SMAP1: variants seen among roughly 807,000 people sequenced by gnomAD.
SMAP1 encodes small ArfGAP 1, also known as stromal membrane-associated protein 1.
A neutral mutation model predicts 58.5 loss-of-function variants in SMAP1; 24 were observed. The observed-to-expected ratio is 0.41, with a 90% CI of 0.30 to 0.58. The LOEUF (loss-of-function observed/expected upper bound fraction) is 0.58, where lower values mean the gene tolerates loss of function less well. Ranked by LOEUF, SMAP1 falls within the 20% of genes least tolerant of loss-of-function variation. The probability of loss-of-function intolerance (pLI) is 0.29; values close to 1 mark genes in which losing one functional copy is unlikely to be tolerated. For missense variants in SMAP1, 563 were observed against 566.3 expected, an observed-to-expected ratio of 0.99 and a Z score of 0.06; for synonymous variants, 216 against 196.6, an observed-to-expected ratio of 1.10 and a Z score of -0.82.
intron 1 of SMAP1, among the ~76,000 whole-genome samples, chr6:70,688,443 C>G (rs892960585): frequency 3.3e-5 from 5 of 152,084 alleles, no homozygotes; most frequent in African/African-American, 1.2e-4. Context: ...TTTAGTTGGT[C>G]CTTTGCCAGC....
intron 3 of SMAP1, among the ~76,000 whole-genome samples, chr6:70,761,095 A>T (rs1384994485): frequency 1.3e-5 from 2 of 151,970 alleles, no homozygotes; most frequent in Non-Finnish European, 2.9e-5. Context: ...CTTCTTTGGG[A>T]GTAGATATTA....
chr6:70,841,662 C>T (rs1230581992), intron 7 of SMAP1, among the ~76,000 whole-genome samples: 1 of 152,002 alleles, frequency 6.6e-6, no homozygotes, highest in Non-Finnish European at 1.5e-5. Flanking sequence ...TCAGTTTTTT[C>T]TTAATTGAAA....
At chr6:70,769,005 T>G (rs201191918) in intron 3 of SMAP1, among the ~76,000 whole-genome samples, 1 of 152,172 alleles carries the variant, frequency 6.6e-6, no homozygotes, top group Admixed American at 6.5e-5. Flanking sequence ...CATTTCGTTA[T>G]GTACCCAGTA....
In SMAP1 at chr6:70,861,547, G is replaced by A; in HGVS notation, c.*1213G>A. ...CAGATGTCCATCAGATGACAAGAAA[G>A]GCTGCTGTACTGAAGTAAAACAAAC... On this transcript the variant is annotated 3_prime_UTR_variant, in exon 11 of 11. Coordinates refer to ENST00000370455, the MANE Select transcript of SMAP1 (RefSeq NM_001044305.3). 2.3e-6 allele frequency: 2 copies of A among 854,602 alleles called. No individual in the cohort carries two copies. Among genetic ancestry groups the A allele is most frequent in the South Asian group, 3.5e-5 (2 of 57,952 alleles). The allele number at this position is 854,602 out of a possible 1,614,324, so 52.9% of individuals were successfully genotyped here.
intron 6 of SMAP1, among the ~76,000 whole-genome samples, chr6:70,825,030 T>C (rs528115655): frequency 1.1e-4 from 17 of 152,334 alleles, no homozygotes; most frequent in Non-Finnish European, 1.8e-4. Context: ...AATATACTTA[T>C]CTTGTATTCA....
intron 1 of SMAP1, among the ~76,000 whole-genome samples, chr6:70,680,144 A>G (rs1444887318): frequency 6.9e-6 from 1 of 145,564 alleles, no homozygotes; most frequent in Admixed American, 7.0e-5. Flanking sequence ...AACAGAATGT[A>G]TAATACCTTG....
In SMAP1 at chr6:70,799,510, T is replaced by G. The variant is rs570180075; in HGVS notation, c.576+773T>G. ...GTGGCTTGGCTTTGAATGCATTTCA[T>G]CATAAGAGTATGGAATCATACTAAG... On this transcript the variant is annotated intron_variant, in intron 6 of 10. Transcript: ENST00000370455. Among the ~76,000 whole-genome samples the G allele has an allele frequency of 2.0e-5, 3 of 152,288 alleles. No individual in the cohort carries two copies. The South Asian group carries it at 6.2e-4, about 32-fold the overall frequency.
chr6:70,763,608 G>A (rs1482793518), intron 3 of SMAP1, among the ~76,000 whole-genome samples: 2 of 152,118 alleles, frequency 1.3e-5, no homozygotes, highest in Non-Finnish European at 2.9e-5. Flanking sequence ...AGAAAAATAG[G>A]CTGAAAGCTA....
chr6:70,787,158 T>C (rs971294182), intron 4 of SMAP1, among the ~76,000 whole-genome samples: 2 of 152,146 alleles, frequency 1.3e-5, no homozygotes, highest in Non-Finnish European at 2.9e-5. Flanking sequence ...TATCTACAAC[T>C]ATCTGATCTT....
intron 4 of SMAP1, among the ~76,000 whole-genome samples, 189 bp downstream of exon 4, chr6:70,773,614 A>G (rs893748657): frequency 2.0e-5 from 3 of 152,216 alleles, no homozygotes; most frequent in African/African-American, 7.2e-5. Context: ...AGAAAGGAGC[A>G]TATTCTAAAT....
At chr6:70,673,222 C>CA (rs1766340393) in intron 1 of SMAP1, among the ~76,000 whole-genome samples, 1 of 152,184 alleles carries the variant, frequency 6.6e-6, no homozygotes, top group Non-Finnish European at 1.5e-5. Context: ...CACATACCAC[C>CA]ACTGCTACCG....
intron 2 of SMAP1, among the ~76,000 whole-genome samples, chr6:70,751,903 C>G (rs1159629644): frequency 6.6e-6 from 1 of 152,068 alleles, no homozygotes; most frequent in Non-Finnish European, 1.5e-5. Flanking sequence ...CCCCTCCACA[C>G]CCCCTGTTTT....
chr6:70,771,426 T>G (rs912153800), intron 3 of SMAP1, among the ~76,000 whole-genome samples: 1 of 152,254 alleles, frequency 6.6e-6, no homozygotes, highest in Non-Finnish European at 1.5e-5. Flanking sequence ...TCCAGGCTGC[T>G]TTGTTTACCT....
chr6:70,813,688 A>G (rs575227020), intron 6 of SMAP1, among the ~76,000 whole-genome samples: 3 of 152,144 alleles, frequency 2.0e-5, no homozygotes, highest in South Asian at 4.1e-4. Flanking sequence ...GTGTTAATAT[A>G]TGCTTCCTTT....
chr6:70,705,114 G>A (rs1767783145), intron 1 of SMAP1, among the ~76,000 whole-genome samples: 4 of 152,164 alleles, frequency 2.6e-5, no homozygotes, highest in African/African-American at 9.7e-5. Flanking sequence ...CAATGAATGA[G>A]TGAATGAACA....
chr6:70,672,845 A>G (rs1024714455), intron 1 of SMAP1, among the ~76,000 whole-genome samples: 1 of 151,996 alleles, frequency 6.6e-6, no homozygotes, highest in Non-Finnish European at 1.5e-5. Flanking sequence ...ATTTCATCAG[A>G]TAGAGAAGGA....
At chr6:70,691,325 A>G (rs760877201) in intron 1 of SMAP1, among the ~76,000 whole-genome samples, 1 of 152,108 alleles carries the variant, frequency 6.6e-6, no homozygotes, top group Non-Finnish European at 1.5e-5. Flanking sequence ...ATGGGTACAT[A>G]TAATAGTAGG....
At chr6:70,790,423 T>C (rs531762102) in intron 4 of SMAP1, among the ~76,000 whole-genome samples, 42 of 152,188 alleles carry the variant, frequency 2.8e-4, no homozygotes, top group Non-Finnish European at 5.4e-4. Context: ...TTATTTTCTG[T>C]ATAAAGTAGT....
At chr6:70,805,496 A>C (rs763768338) in intron 6 of SMAP1, among the ~76,000 whole-genome samples, 5 of 152,090 alleles carry the variant, frequency 3.3e-5, no homozygotes, top group Non-Finnish European at 7.4e-5. Context: ...TTTGAAGCCT[A>C]CTTCAGTCAA....
Sources: gnomAD v4.1 joint callset for allele counts (sites outside exome capture counted in the v4.1 genomes callset) on GRCh38, gnomAD v4.1.1 for gene constraint, MANE v1.5 for transcripts, NCBI Gene and HGNC (gene_info 2026-07-23, HGNC 2026-07-21) for gene names.